Variants in USP30 observed in about 807,000 individuals in gnomAD.
USP30 encodes ubiquitin specific peptidase 30.
Under a neutral mutation model 68.2 loss-of-function variants are expected in USP30, and 41 were observed. That is an observed-to-expected ratio of 0.60 (90% CI 0.47 to 0.78). The LOEUF (loss-of-function observed/expected upper bound fraction) is 0.78. Among genes scored for constraint, USP30 ranks in the 30% least tolerant of loss-of-function variants. The probability of loss-of-function intolerance (pLI) is 0.00; values close to 1 mark genes in which losing one functional copy is unlikely to be tolerated. For missense variants in USP30, 522 were observed against 649.4 expected (o/e 0.80, Z 2.13); for synonymous variants, 229 against 253.7 (o/e 0.90, Z 0.93).
intron 6 of USP30, among the ~76,000 whole-genome samples, chr12:109,072,578 C>T (rs538391957): frequency 1.3e-5 from 2 of 152,256 alleles, no homozygotes; most frequent in African/African-American, 4.8e-5. Flanking sequence ...ATTTGTACTT[C>T]AAACAAGGGC....
chr12:109,083,203 G>C (rs755914088), intron 11 of USP30, 141 bp downstream of exon 11: 22 of 816,782 alleles, frequency 2.7e-5, no homozygotes, highest in Non-Finnish European at 3.6e-5. Context: ...CAGCAGGATT[G>C]GGGGTGGAAG....
chr12:109,072,829 A>G (rs990551993), intron 6 of USP30, among the ~76,000 whole-genome samples: 3 of 152,226 alleles, frequency 2.0e-5, no homozygotes, highest in African/African-American at 7.2e-5. Context: ...ATCTCATTTA[A>G]GCCTCATAAC....
intron 2 of USP30, among the ~76,000 whole-genome samples, chr12:109,027,045 G>A (rs1188124052): frequency 6.6e-6 from 1 of 152,190 alleles, no homozygotes; most frequent in Non-Finnish European, 1.5e-5. Flanking sequence ...ACATTATGGG[G>A]TTAGGGCTTC....
At chr12:109,025,583 C>T (rs1171636822) in intron 2 of USP30, among the ~76,000 whole-genome samples, 2 of 151,944 alleles carry the variant, frequency 1.3e-5, no homozygotes, top group Non-Finnish European at 2.9e-5. Flanking sequence ...ATTGAGAAAA[C>T]AAAAACTAGC....
At chr12:109,057,511 G>A (rs577360681) in intron 2 of USP30, among the ~76,000 whole-genome samples, 1 of 152,330 alleles carries the variant, frequency 6.6e-6, no homozygotes, top group South Asian at 2.1e-4. Flanking sequence ...CAGAATCATT[G>A]TCCTGGGGAA....
At chr12:109,044,445 C>T (rs111720237) in intron 3 of USP30, among the ~76,000 whole-genome samples, 9,055 of 152,062 alleles carry the variant, frequency 0.06, 816 homozygotes, top group African/African-American at 0.2. Context: ...TGACACCAGC[C>T]TGGGCAACAT....
chr12:109,083,157 A>G, intron 11 of USP30, 95 bp downstream of exon 11: 2 of 1,269,616 alleles, frequency 1.6e-6, no homozygotes, highest in South Asian at 1.5e-5. Context: ...TGACAGGAGC[A>G]CAAGGCTTGT....
intron 3 of USP30, among the ~76,000 whole-genome samples, chr12:109,031,837 C>T (rs999341078): frequency 6.6e-6 from 1 of 152,200 alleles, no homozygotes; most frequent in African/African-American, 2.4e-5. Context: ...GGTGTGATTA[C>T]TCGGGCTTGT....
intron 3 of USP30, among the ~76,000 whole-genome samples, chr12:109,032,842 G>A (rs1463181004): frequency 6.6e-6 from 1 of 152,182 alleles, no homozygotes; most frequent in East Asian, 1.9e-4. Flanking sequence ...GGAAATGGGG[G>A]CATGCCAAAA....
intron 3 of USP30, among the ~76,000 whole-genome samples, chr12:109,031,749 C>T (rs1218868295): frequency 6.6e-6 from 1 of 152,030 alleles, no homozygotes; most frequent in Non-Finnish European, 1.5e-5. Context: ...AAGCCAGTAA[C>T]AACAAAAAAA....
intron 3 of USP30, among the ~76,000 whole-genome samples, chr12:109,045,081 C>T (rs909228177): frequency 4.0e-5 from 6 of 148,898 alleles, no homozygotes; most frequent in South Asian, 2.1e-4. Flanking sequence ...GGGTTCTAAG[C>T]GATTCTCCTG....
rs1207681758 is a variant in USP30, at chr12:109,086,723, T to C, written c.*792T>C. 1.3e-5 allele frequency: 2 copies of C among 152,272 alleles called. No homozygotes were observed. The highest frequency in any genetic ancestry group is 2.9e-5 in the Non-Finnish European group (2 of 68,072). 9.4% of individuals were successfully genotyped at this position (152,272 alleles called of 1,614,324 possible). A position where few individuals can be genotyped will look rare whatever the true frequency, so the allele number is the denominator to read the frequency against. On this transcript the variant is annotated 3_prime_UTR_variant, in exon 13 of 13. Coordinates refer to ENST00000257548, the MANE Select transcript of USP30 (RefSeq NM_032663.5). ...TTTGCAACACCTGATTCCTCTGCTC[T>C]GTGGAAAACTTTTTCTTACACAAGG...
At position 109,056,772 on chromosome 12, in the gene USP30, A is replaced by C; in HGVS notation, c.174A>C (p.Glu58Asp). 2.5e-6 allele frequency: 4 copies of C among 1,611,064 alleles called. No homozygotes were observed. Among genetic ancestry groups the C allele is most frequent in the Non-Finnish European group, 3.4e-6 (4 of 1,179,042 alleles). The change falls in exon 2 of 13, where the codon GAA becomes GAC. Residue 58 changes from glutamate (E) to aspartate (D), a missense_variant. Glu to Asp is a conservative substitution (Grantham distance 45). Transcript: ENST00000257548. Reference sequence around the variant, plus strand: ...ATGTTATTTGGGGTCCCATTACAGAAAGAAAGAAGCGTAGAAAAGGTAAGA... The same window carrying C: ...ATGTTATTTGGGGTCCCATTACAGACAGAAAGAAGCGTAGAAAAGGTAAGA... ...GIYVIWGPITERKKRRKGLVP... is the reference protein window; with the variant it reads ...GIYVIWGPITDRKKRRKGLVP...
intron 3 of USP30, among the ~76,000 whole-genome samples, chr12:109,061,076 C>T (rs962573180): frequency 2.8e-4 from 43 of 152,152 alleles, no homozygotes; most frequent in Non-Finnish European, 5.0e-4. Flanking sequence ...TGAGCCACTG[C>T]ACCCAGCCAT....
At chr12:109,030,925 T>C (rs373738386) in intron 3 of USP30, among the ~76,000 whole-genome samples, 2 of 152,316 alleles carry the variant, frequency 1.3e-5, no homozygotes, top group East Asian at 3.9e-4. Flanking sequence ...ATTGTGATTC[T>C]TTTACAATGT....
At chr12:109,077,870 C>T (rs946534923) in intron 7 of USP30, among the ~76,000 whole-genome samples, 2 of 151,736 alleles carry the variant, frequency 1.3e-5, no homozygotes, top group South Asian at 4.1e-4. Flanking sequence ...GCAGTTTTAC[C>T]TTATCACATT....
intron 1 of USP30, among the ~76,000 whole-genome samples, chr12:109,055,398 ATATTTTTT>A (rs1218621089): frequency 1.4e-3 from 41 of 30,346 alleles, no homozygotes; most frequent in African/African-American, 3.6e-3. Flanking sequence ...ATATATATAT[ATATTTTTT>A]TTTTTTTTTT....
At chr12:109,055,400 A>ATATATTTTTTTT (rs1298811530) in intron 1 of USP30, among the ~76,000 whole-genome samples, 8 of 24,474 alleles carry the variant, frequency 3.3e-4, no homozygotes, top group African/African-American at 8.9e-4. Context: ...ATATATATAT[A>ATATATTTTTTTT]TTTTTTTTTT....
At chr12:109,030,687 GCTCACTGCAACCTCTGCCT>G (rs1361228377) in intron 3 of USP30, among the ~76,000 whole-genome samples, 2 of 152,192 alleles carry the variant, frequency 1.3e-5, no homozygotes, top group Non-Finnish European at 2.9e-5. Context: ...CGCTATCTTG[GCTCACTGCAACCTCTGCCT>G]CCCAGGTTCA....
Sources: gnomAD v4.1 joint callset for allele counts (sites outside exome capture counted in the v4.1 genomes callset) on GRCh38, gnomAD v4.1.1 for gene constraint, MANE v1.5 for transcripts, NCBI Gene and HGNC (gene_info 2026-07-23, HGNC 2026-07-21) for gene names.